The following HIP1 variants were observed in gnomAD, a reference collection of about 807,000 sequenced individuals.
The protein encoded by HIP1 is huntingtin interacting protein 1, also known as huntingtin-interacting protein 1.
In HIP1, 65 loss-of-function variants were observed where a neutral mutation model predicts 147.6. The ratio of observed to expected loss-of-function variants is 0.44; its 90% CI spans 0.36 to 0.54. The LOEUF (loss-of-function observed/expected upper bound fraction) is 0.54. HIP1 is among the 20% of genes least tolerant of loss of function. HIP1 has a pLI of 0.00. For missense variants in HIP1, 1,061 were observed against 1,299.6 expected (o/e 0.82, Z 2.82); for synonymous variants, 479 against 504.0 (o/e 0.95, Z 0.67).
intron 1 of HIP1, among the ~76,000 whole-genome samples, chr7:75,732,804 G>T (rs1554523195): frequency 1.3e-5 from 2 of 152,086 alleles, no homozygotes; most frequent in Non-Finnish European, 2.9e-5. Context: ...AGTACCCAGG[G>T]CTGTGGTGAA....
intron 1 of HIP1, among the ~76,000 whole-genome samples, chr7:75,604,114 AG>A (rs1797123448): frequency 6.6e-6 from 1 of 152,098 alleles, no homozygotes; most frequent in East Asian, 1.9e-4. Flanking sequence ...ACCATAGGCC[AG>A]GGGCACCATG....
At chr7:75,584,916 T>C (rs1796196761) in intron 5 of HIP1, among the ~76,000 whole-genome samples, 1 of 151,236 alleles carries the variant, frequency 6.6e-6, no homozygotes, top group South Asian at 2.1e-4. Context: ...TGGCGCCATC[T>C]CGGCTCACTG....
intron 24 of HIP1, among the ~76,000 whole-genome samples, 170 bp from the exon 25 acceptor site, chr7:75,547,202 G>A (rs1794599124): frequency 6.6e-6 from 1 of 152,176 alleles, no homozygotes; most frequent in Non-Finnish European, 1.5e-5. Flanking sequence ...AGGAGAGGCT[G>A]GGGAGTGAGA....
intron 5 of HIP1, among the ~76,000 whole-genome samples, chr7:75,583,859 C>T (rs1201230625): frequency 1.3e-5 from 2 of 151,358 alleles, no homozygotes; most frequent in Non-Finnish European, 2.9e-5. Context: ...AACTCCTGAC[C>T]TCAGGTGATC....
chr7:75,571,984 C>A (rs914574555), intron 8 of HIP1, among the ~76,000 whole-genome samples: 1 of 151,984 alleles, frequency 6.6e-6, no homozygotes, highest in Non-Finnish European at 1.5e-5. Context: ...CTGAGGTGGG[C>A]GGATCACTTG....
At position 75,738,789 on chromosome 7, in the gene HIP1, C is replaced by A; in HGVS notation, c.120+12G>T. ...GGTGCCCCAGGGATGCCCCGGGGTC[C>A]CCCGTCCTCACCTGAGTCCGCTCGA... On this transcript the variant is annotated intron_variant, in intron 1 of 30. Transcript: ENST00000336926. 6.2e-7 allele frequency: 1 copy of A among 1,600,374 alleles called. No homozygotes were observed. Among genetic ancestry groups the A allele is most frequent in the Non-Finnish European group, 8.5e-7 (1 of 1,175,462 alleles).
chr7:75,615,269 C>T (rs1327691892), intron 1 of HIP1, among the ~76,000 whole-genome samples: 2 of 151,258 alleles, frequency 1.3e-5, no homozygotes, highest in Non-Finnish European at 2.9e-5. Context: ...GAAGTGGACC[C>T]TGTGGCCAGG....
At chr7:75,617,073 ATTTTTTT>A (rs71519374) in intron 1 of HIP1, among the ~76,000 whole-genome samples, 2 of 123,532 alleles carry the variant, frequency 1.6e-5, no homozygotes, top group East Asian at 4.6e-4. Flanking sequence ...CACCCAGCTA[ATTTTTTT>A]TTTTTTTTTT....
intron 2 of HIP1, among the ~76,000 whole-genome samples, chr7:75,595,251 T>TCTTTCTTTCTTTCTTCCTTC (rs1491144475): frequency 8.4e-5 from 5 of 59,536 alleles, no homozygotes; most frequent in Admixed American, 3.6e-4. Flanking sequence ...TTTCTTTCTT[T>TCTTTCTTTCTTTCTTCCTTC]CTTCCTTCCT....
intron 9 of HIP1, among the ~76,000 whole-genome samples, chr7:75,567,294 G>T (rs940273020): frequency 1.3e-5 from 2 of 151,076 alleles, no homozygotes; most frequent in Non-Finnish European, 1.5e-5. Context: ...ATATTTAGGG[G>T]TTATCAGTCT....
At chr7:75,655,147 G>A (rs926383012) in intron 1 of HIP1, among the ~76,000 whole-genome samples, 2 of 152,204 alleles carry the variant, frequency 1.3e-5, no homozygotes, top group Admixed American at 6.5e-5. Flanking sequence ...GACAGCCCAG[G>A]TGTCCATCAA....
chr7:75,592,686 C>T (rs1360356125), intron 2 of HIP1, among the ~76,000 whole-genome samples, 172 bp from the exon 3 acceptor site: 3 of 152,122 alleles, frequency 2.0e-5, no homozygotes, highest in South Asian at 4.2e-4. Flanking sequence ...TGCAGGGGAC[C>T]GAGCAGTAGT....
At chr7:75,609,903 CTTTTTTTT>C (rs56106169) in intron 1 of HIP1, among the ~76,000 whole-genome samples, 20 of 131,004 alleles carry the variant, frequency 1.5e-4, no homozygotes, top group Non-Finnish European at 3.2e-4. Flanking sequence ...CTCTTCTTTT[CTTTTTTTT>C]TTTTTTTTTG....
At chr7:75,637,988 CCCCCCA>C (rs1563261733) in intron 1 of HIP1, among the ~76,000 whole-genome samples, 5 of 48,210 alleles carry the variant, frequency 1.0e-4, no homozygotes, top group African/African-American at 4.5e-4. Context: ...CCCCCCCCCC[CCCCCCA>C]CACACACACA....
At chr7:75,737,325 G>A (rs1433274005) in intron 1 of HIP1, among the ~76,000 whole-genome samples, 7 of 151,894 alleles carry the variant, frequency 4.6e-5, no homozygotes, top group Admixed American at 2.6e-4. Flanking sequence ...TCCTCTGGGG[G>A]TGAAAAGCTT....
rs181700948 is a variant in HIP1 at position 75,656,663 on chromosome 7, G to A, written c.121-57416C>T. ...TGGCTAATTTTATATTTTTGGTAGA[G>A]ACGGGGTTTCTCCATGTTGGTCAGG... is the stretch of plus-strand genomic sequence containing the variant. On this transcript the variant is annotated intron_variant, in intron 1 of 30. Coordinates refer to ENST00000336926, the MANE Select transcript of HIP1 (RefSeq NM_005338.7). Among the ~76,000 whole-genome samples, 257 of 152,246 alleles carry A rather than the reference G, an allele frequency of 1.7e-3. 2 individuals carry two copies. Among genetic ancestry groups the A allele is most frequent in the African/African-American group, 5.8e-3 (239 of 41,538 alleles).
intron 1 of HIP1, among the ~76,000 whole-genome samples, chr7:75,711,896 G>A (rs563623860): frequency 8.5e-5 from 13 of 152,198 alleles, no homozygotes; most frequent in East Asian, 1.9e-4. Flanking sequence ...AGGGGGCAGC[G>A]TAGCTCTCAT....
In HIP1 at chr7:75,612,435, C is replaced by T. The variant is rs191342245; in HGVS notation, c.121-13188G>A. On this transcript the variant is annotated intron_variant, in intron 1 of 30. Coordinates refer to ENST00000336926, the MANE Select transcript of HIP1 (RefSeq NM_005338.7). ...GAGGCAGGAGAATCACTTGAACCCA[C>T]GAGGTGGAGGTTGCAGTGAGCCGAA... 4.0e-3 allele frequency among the ~76,000 whole-genome samples: 595 copies of T among 150,024 alleles called. 6 individuals carry two copies. Among genetic ancestry groups the T allele is most frequent in the African/African-American group, 0.014 (578 of 40,926 alleles).
intron 1 of HIP1, among the ~76,000 whole-genome samples, chr7:75,604,317 G>A (rs1021020163): frequency 2.6e-5 from 4 of 152,180 alleles, no homozygotes; most frequent in Non-Finnish European, 4.4e-5. Flanking sequence ...GTTCCAGGGG[G>A]TTTGGGAAGG....
Sources: allele counts gnomAD v4.1 joint callset (sites outside exome capture counted in the v4.1 genomes callset), GRCh38; gene constraint gnomAD v4.1.1; transcripts MANE v1.5; gene names NCBI Gene and HGNC (gene_info 2026-07-23, HGNC 2026-07-21).